Variants in LIPA observed in about 807,000 individuals in gnomAD.
LIPA encodes lipase A, lysosomal acid type, also known as lysosomal acid lipase/cholesteryl ester hydrolase.
Under a neutral mutation model 40.6 loss-of-function variants are expected in LIPA, and 26 were observed. That is an observed-to-expected ratio of 0.64 (90% CI 0.47 to 0.89). The LOEUF (loss-of-function observed/expected upper bound fraction) is 0.89. Ranked by LOEUF, LIPA falls within the 40% of genes least tolerant of loss-of-function variation. The pLI, the probability that LIPA is intolerant of heterozygous loss-of-function variation, is 0.00. For missense variants in LIPA, 455 were observed against 479.6 expected, an observed-to-expected ratio of 0.95 and a Z score of 0.48; for synonymous variants, 188 against 168.4, an observed-to-expected ratio of 1.12 and a Z score of -0.90.
chr10:89,266,991 G>A lies in LIPA; in HGVS notation c.-1-19342C>T, dbSNP rs143407298. Among the ~76,000 whole-genome samples the A allele has an allele frequency of 2.1e-3, 314 of 152,330 alleles. 1 individual carries two copies. The highest frequency in any genetic ancestry group is 7.3e-3 in the African/African-American group (304 of 41,572). Reference sequence around the variant, plus strand: ...CCAGGACAGAGAAATAAGGACTGGGGAATAAGGTGTGGGTGGCTATGAATG... The same window carrying A: ...CCAGGACAGAGAAATAAGGACTGGGAAATAAGGTGTGGGTGGCTATGAATG... On this transcript the variant is annotated intron_variant, in intron 1 of 5. Transcript: ENST00000282673.
intron 1 of LIPA, among the ~76,000 whole-genome samples, chr10:89,262,251 C>CA (rs1204759602): frequency 6.6e-6 from 1 of 152,038 alleles, no homozygotes; most frequent in Non-Finnish European, 1.5e-5. Context: ...CAGCATATAC[C>CA]ATCTGACAGT....
chr10:89,265,977 C>T (rs1374870259), intron 1 of LIPA, among the ~76,000 whole-genome samples: 1 of 152,210 alleles, frequency 6.6e-6, no homozygotes, highest in East Asian at 1.9e-4. Flanking sequence ...AATCAAAATG[C>T]ATGTGTACAA....
intron 1 of LIPA, among the ~76,000 whole-genome samples, chr10:89,282,159 T>A (rs1380625309): frequency 6.6e-6 from 1 of 152,206 alleles, no homozygotes; most frequent in East Asian, 1.9e-4. Flanking sequence ...TATGGATTCA[T>A]GAAATGTTAG....
At chr10:89,306,792 A>T in intron 1 of LIPA, 1 of 1,614,112 alleles carries the variant, frequency 6.2e-7, no homozygotes, top group African/African-American at 1.3e-5. Context: ...TACATACCAA[A>T]CAATGCCTAC....
rs572625253 is a variant in LIPA at position 89,338,934 on chromosome 10, T to A, written c.-2+3677A>T. The A allele has an allele frequency of 1.2e-6, 2 of 1,614,092 alleles. No homozygotes were observed. The highest frequency in any genetic ancestry group is 4.5e-5 in the East Asian group (2 of 44,880). On this transcript the variant is annotated intron_variant, in intron 1 of 5. Coordinates refer to the LIPA transcript ENST00000282673. ...ATGCTGACCAAGCAGAAATCAGAAG[T>A]CTAGTCACTTGGGGAAACTACGCCT...
intron 1 of LIPA, among the ~76,000 whole-genome samples, chr10:89,296,439 C>T (rs538041293): frequency 2.7e-4 from 40 of 147,626 alleles, no homozygotes; most frequent in African/African-American, 8.1e-4. Context: ...TTGCAGAGAG[C>T]CAAGATCTCA....
rs763699307 is a variant in LIPA, at chr10:89,306,935, G to A, written c.-2+35676C>T. The A allele has an allele frequency of 5.6e-6, 9 of 1,613,916 alleles. No homozygotes were observed. In the African/African-American group the frequency reaches 1.2e-4, roughly 22 times the overall value. On this transcript the variant is annotated intron_variant, in intron 1 of 5. Coordinates refer to the LIPA transcript ENST00000282673. ...CGCTGTGGCTCATCTGAAGAAAGCT[G>A]ATGAGGCCAATGATAATCTCTTCCG... is the stretch of plus-strand genomic sequence containing the variant.
intron 2 of LIPA, among the ~76,000 whole-genome samples, chr10:89,388,938 C>T (rs1244357054): frequency 1.3e-5 from 2 of 152,120 alleles, no homozygotes; most frequent in Non-Finnish European, 2.9e-5. Context: ...TGTAAATCAT[C>T]AAATCATTTG....
At chr10:89,411,259 C>T (rs1001009199) in intron 2 of LIPA, among the ~76,000 whole-genome samples, 4 of 151,474 alleles carry the variant, frequency 2.6e-5, no homozygotes, top group East Asian at 3.9e-4. Context: ...CAGGACAGGA[C>T]GGATAGATGG....
At chr10:89,412,116 G>C (rs1841474006) in intron 2 of LIPA, among the ~76,000 whole-genome samples, 1 of 152,148 alleles carries the variant, frequency 6.6e-6, no homozygotes. Context: ...TACACCTACA[G>C]GGCCCCTTCT....
intron 1 of LIPA, among the ~76,000 whole-genome samples, chr10:89,413,541 A>G (rs1028012201): frequency 2.0e-5 from 3 of 152,110 alleles, no homozygotes; most frequent in African/African-American, 7.2e-5. Context: ...TAAGGTTTAG[A>G]AAAATATTTG....
At chr10:89,340,010 G>A in intron 1 of LIPA, 1 of 1,614,192 alleles carries the variant, frequency 6.2e-7, no homozygotes, top group East Asian at 2.2e-5. Context: ...GCCCCTTCAG[G>A]CATAGGCAGT....
chr10:89,402,837 C>G, intron 2 of LIPA: 1 of 1,614,200 alleles, frequency 6.2e-7, no homozygotes, highest in Non-Finnish European at 8.5e-7. Flanking sequence ...TGCCTATCGC[C>G]TGGATGGCTT....
chr10:89,217,571 A>G (rs1178986670), intron 8 of LIPA, among the ~76,000 whole-genome samples: 1 of 152,234 alleles, frequency 6.6e-6, no homozygotes, highest in East Asian at 1.9e-4. Context: ...AAACTTGCCT[A>G]TAGCTCAGAC....
Position 89,227,460 on chromosome 10 carries a change from TA to T in LIPA, c.429-457del, listed in dbSNP as rs1382126176. On this transcript the variant is annotated intron_variant, in intron 4 of 9. Coordinates refer to ENST00000336233, the MANE Select transcript of LIPA (RefSeq NM_000235.4). ...ACCAATTCTTGTATATGCCTTTTGT[TA>T]AAAGCTCTCATTCTTGTGTTTCATG... Among the ~76,000 whole-genome samples the T allele has an allele frequency of 2.6e-5, 4 of 152,368 alleles. No homozygotes were observed. The East Asian group carries it at 7.7e-4, about 29-fold the overall frequency.
chr10:89,392,606 T>C, intron 2 of LIPA: 1 of 1,248,568 alleles, frequency 8.0e-7, no homozygotes. Context: ...TATAACACTG[T>C]CTTGGGGTTT....
chr10:89,384,730 A>G lies in LIPA; in HGVS notation c.61+28061T>C, dbSNP rs745874020. 1.6e-5 allele frequency: 25 copies of G among 1,602,498 alleles called. No individual in the cohort carries two copies. Among genetic ancestry groups the G allele is most frequent in the Non-Finnish European group, 2.0e-5 (23 of 1,174,212 alleles). On this transcript the variant is annotated intron_variant, in intron 2 of 8. Transcript: ENST00000371837. ...GAGGCTGGCTGCTGACCTGAACCCT[A>G]TATTTTAACATAGAGGTCACCATTA...
At chr10:89,271,344 A>C (rs2133492723) in intron 1 of LIPA, among the ~76,000 whole-genome samples, 1 of 152,356 alleles carries the variant, frequency 6.6e-6, no homozygotes, top group Middle Eastern at 3.4e-3. Flanking sequence ...CTGGATGTTC[A>C]TTGTTCCTAG....
intron 3 of LIPA, among the ~76,000 whole-genome samples, chr10:89,243,363 G>A (rs1842985389): frequency 6.6e-6 from 1 of 152,186 alleles, no homozygotes; most frequent in Non-Finnish European, 1.5e-5. Flanking sequence ...ACTCCCCACT[G>A]AGGTTAGCTC....
Sources: allele counts gnomAD v4.1 joint callset (sites outside exome capture counted in the v4.1 genomes callset), GRCh38; gene constraint gnomAD v4.1.1; transcripts MANE v1.5; gene names NCBI Gene and HGNC (gene_info 2026-07-23, HGNC 2026-07-21).